Variants in HAPLN1 observed in about 807,000 individuals in gnomAD.
The protein encoded by HAPLN1 is hyaluronan and proteoglycan link protein 1.
In HAPLN1, 13 loss-of-function variants were observed where a neutral mutation model predicts 36.5. The ratio of observed to expected loss-of-function variants is 0.36; its 90% CI spans 0.23 to 0.57. The LOEUF (loss-of-function observed/expected upper bound fraction) is 0.57. Ranked by LOEUF, HAPLN1 falls within the 20% of genes least tolerant of loss-of-function variation. The probability of loss-of-function intolerance (pLI) is 0.83; values close to 1 mark genes in which losing one functional copy is unlikely to be tolerated. For synonymous variants in HAPLN1, 202 were observed against 169.8 expected, an observed-to-expected ratio of 1.19 and a Z score of -1.48; for missense variants, 407 against 439.7, an observed-to-expected ratio of 0.93 and a Z score of 0.66.
At chr5:83,705,115 C>T (rs187626526) in intron 1 of HAPLN1, among the ~76,000 whole-genome samples, 13 of 152,084 alleles carry the variant, frequency 8.5e-5, no homozygotes, top group South Asian at 2.1e-4. Flanking sequence ...CTTGGCCAGG[C>T]GCAGTGGCTC....
In HAPLN1 at chr5:83,673,464, G is replaced by A. The variant is rs375787364; in HGVS notation, c.60C>T (p.Asp20=). The change falls in exon 2 of 5, where the codon GAC becomes GAT. Residue 20 remains aspartate, a synonymous_variant. Transcript: ENST00000274341. ...ISICWADHLS[D]NYTLDHDRAI... ...CTCTGTCATGATCCAGAGTATAGTT[G>A]TCTGAAAGATGATCAGCCCAGCAGA... 2.5e-6 allele frequency: 4 copies of A among 1,613,398 alleles called. No homozygotes were observed. The African/African-American group carries it at 5.3e-5, about 22-fold the overall frequency.
At chr5:83,661,646 G>A (rs1258149599) in intron 2 of HAPLN1, among the ~76,000 whole-genome samples, 2 of 151,754 alleles carry the variant, frequency 1.3e-5, no homozygotes, top group African/African-American at 2.4e-5. Context: ...GGGTTTCACC[G>A]TGTTAGCCGG....
chr5:83,646,005 C>T (rs937798523), intron 3 of HAPLN1, among the ~76,000 whole-genome samples: 2 of 152,134 alleles, frequency 1.3e-5, no homozygotes, highest in Admixed American at 6.5e-5. Flanking sequence ...CAAATGTAAA[C>T]AGTGTGACTT....
intron 2 of HAPLN1, among the ~76,000 whole-genome samples, chr5:83,654,905 A>G (rs975244508): frequency 1.3e-5 from 2 of 152,164 alleles, no homozygotes; most frequent in Non-Finnish European, 2.9e-5. Flanking sequence ...AGATACTATT[A>G]CCTACAATAT....
chr5:83,692,238 CT>C (rs1751294112), intron 1 of HAPLN1, among the ~76,000 whole-genome samples: 1 of 151,792 alleles, frequency 6.6e-6, no homozygotes, highest in African/African-American at 2.4e-5. Flanking sequence ...TGACTGAAAA[CT>C]TTCAAATTTG....
At chr5:83,650,577 A>G (rs1336994085) in intron 3 of HAPLN1, among the ~76,000 whole-genome samples, 1 of 151,822 alleles carries the variant, frequency 6.6e-6, no homozygotes, top group East Asian at 1.9e-4. Context: ...TTCCCTAAGC[A>G]TGGAGAGTCT....
At chr5:83,663,443 G>T (rs1219440063) in intron 2 of HAPLN1, among the ~76,000 whole-genome samples, 3 of 151,980 alleles carry the variant, frequency 2.0e-5, no homozygotes, top group African/African-American at 7.3e-5. Flanking sequence ...CTCATACTAG[G>T]TCCATCTCCT....
At chr5:83,699,099 T>TG (rs1751452429) in intron 1 of HAPLN1, among the ~76,000 whole-genome samples, 1 of 152,026 alleles carries the variant, frequency 6.6e-6, no homozygotes, top group Non-Finnish European at 1.5e-5. Flanking sequence ...TAACCACTGG[T>TG]GAAAAAAAGG....
At chr5:83,667,915 G>C (rs1248327749) in intron 2 of HAPLN1, among the ~76,000 whole-genome samples, 1 of 152,210 alleles carries the variant, frequency 6.6e-6, no homozygotes, top group Non-Finnish European at 1.5e-5. Flanking sequence ...GATGCTGCAT[G>C]TTATGTGGGA....
intron 3 of HAPLN1, among the ~76,000 whole-genome samples, chr5:83,647,625 G>A (rs1434989026): frequency 6.6e-6 from 1 of 152,078 alleles, no homozygotes; most frequent in Non-Finnish European, 1.5e-5. Context: ...CTGAATTCTG[G>A]AGCAAATGGT....
intron 3 of HAPLN1, among the ~76,000 whole-genome samples, chr5:83,649,391 A>G (rs1035012424): frequency 1.3e-5 from 2 of 151,080 alleles, no homozygotes; most frequent in Non-Finnish European, 2.9e-5. Flanking sequence ...TTTCATGCTC[A>G]TTACCTTTTG....
At chr5:83,683,325 A>G in intron 1 of HAPLN1, among the ~76,000 whole-genome samples, 1 of 152,164 alleles carries the variant, frequency 6.6e-6, no homozygotes, top group East Asian at 1.9e-4. Context: ...AAATGTGATC[A>G]TGTTTTTGTG....
chr5:83,641,874 A>G, intron 4 of HAPLN1, 89 bp from the exon 5 acceptor site: 1 of 1,303,272 alleles, frequency 7.7e-7, no homozygotes, highest in East Asian at 2.3e-5. Flanking sequence ...GTGTTTCTCA[A>G]TGAAGGGGGA....
At chr5:83,653,187 G>A (rs2038588098) in intron 2 of HAPLN1, among the ~76,000 whole-genome samples, 1 of 152,174 alleles carries the variant, frequency 6.6e-6, no homozygotes, top group South Asian at 2.1e-4. Flanking sequence ...ACCAAGAGAA[G>A]TGAGAGAGTT....
intron 2 of HAPLN1, among the ~76,000 whole-genome samples, chr5:83,661,669 C>CT (rs573155173): frequency 1.0e-3 from 153 of 152,078 alleles, no homozygotes; most frequent in African/African-American, 3.4e-3. Context: ...TGGTCTCGAT[C>CT]CCTGACCTCG....
chr5:83,657,838 T>G (rs980641410), intron 2 of HAPLN1, among the ~76,000 whole-genome samples: 2 of 151,718 alleles, frequency 1.3e-5, no homozygotes, highest in Non-Finnish European at 2.9e-5. Context: ...GGGAATGTAT[T>G]TAAGATGGCT....
intron 1 of HAPLN1, among the ~76,000 whole-genome samples, chr5:83,690,839 T>A (rs61624228): frequency 0.034 from 5,102 of 152,136 alleles, 312 homozygotes; most frequent in African/African-American, 0.12. Flanking sequence ...ATCCTGAGTA[T>A]TTTATTAAAA....
At chr5:83,709,555 A>G (rs887116756) in intron 1 of HAPLN1, among the ~76,000 whole-genome samples, 1 of 151,786 alleles carries the variant, frequency 6.6e-6, no homozygotes, top group African/African-American at 2.4e-5. Flanking sequence ...TTGCAAGGGT[A>G]TGCTGCATGA....
intron 1 of HAPLN1, chr5:83,675,265 A>G (rs1750832821): frequency 6.6e-6 from 1 of 152,210 alleles, no homozygotes; most frequent in African/African-American, 2.4e-5. Context: ...AAACACAAAT[A>G]TGAAACAACA....
Sources: gnomAD v4.1 joint callset for allele counts (sites outside exome capture counted in the v4.1 genomes callset) on GRCh38, gnomAD v4.1.1 for gene constraint, MANE v1.5 for transcripts, NCBI Gene and HGNC (gene_info 2026-07-23, HGNC 2026-07-21) for gene names.